The following PHAF1 variants were observed in gnomAD, a reference collection of about 807,000 sequenced individuals.
PHAF1 encodes phagosome assembly factor 1.
Under a neutral mutation model 63.1 loss-of-function variants are expected in PHAF1, and 23 were observed. The ratio of observed to expected loss-of-function variants is 0.36; its 90% CI spans 0.26 to 0.52. The LOEUF (loss-of-function observed/expected upper bound fraction) is 0.52, where lower values mean the gene tolerates loss of function less well. Among genes scored for constraint, PHAF1 ranks in the 20% least tolerant of loss-of-function variants. The pLI, the probability that PHAF1 is intolerant of heterozygous loss-of-function variation, is 0.93. For synonymous variants in PHAF1, 167 were observed against 185.0 expected (o/e 0.90, Z 0.79); for missense variants, 427 against 517.2 (o/e 0.83, Z 1.69).
chr16:67,146,412 G>A, intron 15 of PHAF1, 62 bp downstream of exon 15: 3 of 1,515,154 alleles, frequency 2.0e-6, no homozygotes, highest in South Asian at 1.1e-5. Flanking sequence ...GCAGGGCCAG[G>A]TGAATGATGG....
At chr16:67,111,545 G>A (rs1206600285) in intron 1 of PHAF1, among the ~76,000 whole-genome samples, 3 of 152,234 alleles carry the variant, frequency 2.0e-5, no homozygotes, top group Admixed American at 6.5e-5. Flanking sequence ...GAGAAACCAG[G>A]TGGTACAGAT....
At chr16:67,133,502 A>T (rs1053495569) in intron 6 of PHAF1, among the ~76,000 whole-genome samples, 4 of 108,658 alleles carry the variant, frequency 3.7e-5, no homozygotes, top group East Asian at 2.3e-4. Context: ...CAAAAATATT[A>T]AAAAAAAAAA....
At chr16:67,111,117 C>A (rs1962498879) in intron 1 of PHAF1, among the ~76,000 whole-genome samples, 1 of 152,118 alleles carries the variant, frequency 6.6e-6, no homozygotes, top group Non-Finnish European at 1.5e-5. Flanking sequence ...CCCGGCCCCG[C>A]TTCTCTCTCT....
At chr16:67,130,346 CTTTTTTTTTTT>C (rs34430310) in intron 3 of PHAF1, among the ~76,000 whole-genome samples, 2 of 74,980 alleles carry the variant, frequency 2.7e-5, no homozygotes, top group Non-Finnish European at 5.0e-5. Context: ...CGTGCCCGGC[CTTTTTTTTTTT>C]TTTTTTTTTG....
chr16:67,129,113 C>T (rs574419981), intron 3 of PHAF1, among the ~76,000 whole-genome samples: 1 of 152,268 alleles, frequency 6.6e-6, no homozygotes, highest in Admixed American at 6.5e-5. Flanking sequence ...AAATGGCATG[C>T]CAGTTTGGCA....
chr16:67,110,902 C>T (rs1403656130), intron 1 of PHAF1, among the ~76,000 whole-genome samples: 1 of 152,172 alleles, frequency 6.6e-6, no homozygotes, highest in East Asian at 1.9e-4. Context: ...CTTAACGCCT[C>T]GTGGGTTTAA....
intron 8 of PHAF1, chr16:67,134,774 G>A (rs955084691): frequency 4.0e-6 from 2 of 500,542 alleles, no homozygotes; most frequent in Non-Finnish European, 7.8e-6. Context: ...TTTTTTAACG[G>A]CACTGATCTC....
chr16:67,130,337 G>A (rs1226106122), intron 3 of PHAF1, among the ~76,000 whole-genome samples: 4 of 137,070 alleles, frequency 2.9e-5, no homozygotes, highest in African/African-American at 8.5e-5. Flanking sequence ...GTGAGCCACC[G>A]TGCCCGGCCT....
chr16:67,127,535 G>A (rs184611418), intron 3 of PHAF1, among the ~76,000 whole-genome samples: 7 of 152,260 alleles, frequency 4.6e-5, no homozygotes, highest in Non-Finnish European at 4.4e-5. Flanking sequence ...AGTGGCTCAC[G>A]CCTGTAATCC....
chr16:67,140,050 A>G lies in PHAF1; in HGVS notation c.728A>G (p.Asp243Gly). Residue 243 changes from aspartate (D) to glycine (G), a missense_variant, in exon 9 of 16, where the codon GAT becomes GGT. Coordinates refer to ENST00000219139, the MANE Select transcript of PHAF1 (RefSeq NM_025187.5). The part of the protein sequence containing the change: ...RVFERSVYFG[D>G]SCQDVLSMLG... Reference sequence around the variant, plus strand: ...TTTGAACGTTCAGTGTATTTTGGTGATTCCTGCCAAGATGTTCTTAGCATG... The same window carrying G: ...TTTGAACGTTCAGTGTATTTTGGTGGTTCCTGCCAAGATGTTCTTAGCATG... 6.2e-7 allele frequency: 1 copy of G among 1,614,090 alleles called. No homozygotes were observed. The highest frequency in any genetic ancestry group is 8.5e-7 in the Non-Finnish European group (1 of 1,180,020).
intron 14 of PHAF1, among the ~76,000 whole-genome samples, 197 bp from the exon 15 acceptor site, chr16:67,146,081 G>C (rs570903100): frequency 3.8e-4 from 58 of 152,144 alleles, no homozygotes; most frequent in Middle Eastern, 3.4e-3. Flanking sequence ...GTCCTGTTGG[G>C]CTCTGTATGT....
intron 10 of PHAF1, among the ~76,000 whole-genome samples, chr16:67,141,898 C>T (rs1426781000): frequency 6.6e-6 from 1 of 152,206 alleles, no homozygotes; most frequent in Non-Finnish European, 1.5e-5. Context: ...TCTTGTCACC[C>T]ACAATGTGGA....
intron 2 of PHAF1, among the ~76,000 whole-genome samples, chr16:67,125,056 A>T (rs1471441669): frequency 6.6e-6 from 1 of 152,132 alleles, no homozygotes; most frequent in Non-Finnish European, 1.5e-5. Context: ...ATTGCATTGG[A>T]CCAGAAGCAT....
intron 2 of PHAF1, 49 bp downstream of exon 2, chr16:67,120,243 G>A: frequency 2.6e-6 from 4 of 1,535,740 alleles, no homozygotes; most frequent in Non-Finnish European, 2.7e-6. Flanking sequence ...TCGGTAGTGA[G>A]TCACTTCCAG....
chr16:67,123,473 AGGCT>A (rs1963065437), intron 2 of PHAF1, among the ~76,000 whole-genome samples: 1 of 151,998 alleles, frequency 6.6e-6, no homozygotes, highest in Admixed American at 6.6e-5. Flanking sequence ...GCTACTGGGG[AGGCT>A]GGAGCAGGAG....
chr16:67,115,265 A>G (rs912666744), intron 1 of PHAF1, among the ~76,000 whole-genome samples: 10 of 152,222 alleles, frequency 6.6e-5, no homozygotes, highest in African/African-American at 2.4e-4. Flanking sequence ...TACCTCTGTG[A>G]GGATATAAGG....
At chr16:67,144,488 G>A in intron 11 of PHAF1, 112 bp downstream of exon 11, 1 of 769,204 alleles carries the variant, frequency 1.3e-6, no homozygotes, top group Non-Finnish European at 2.2e-6. Flanking sequence ...CTGAATTCTT[G>A]CTGTTTCATG....
Position 67,125,976 on chromosome 16 carries a change from C to T in PHAF1, c.165C>T (p.Asp55=). Residue 55 remains aspartate, a synonymous_variant, in exon 3 of 16, where the codon GAC becomes GAT. Coordinates refer to ENST00000219139, the MANE Select transcript of PHAF1 (RefSeq NM_025187.5). ...LYSEQSPLSH[D]LILNLTQDGI... ...TTTTGTAGTCTCCTCTAAGCCATGACCTCATTCTTAACCTGACTCAGGACG... is the reference window on the plus strand; with the variant it reads ...TTTTGTAGTCTCCTCTAAGCCATGATCTCATTCTTAACCTGACTCAGGACG... 1 of 1,611,910 alleles carries T rather than the reference C, an allele frequency of 6.2e-7. No individual in the cohort carries two copies. The highest frequency in any genetic ancestry group is 8.5e-7 in the Non-Finnish European group (1 of 1,178,998).
At chr16:67,144,231 G>C (rs1289099844) in intron 10 of PHAF1, 63 bp from the exon 11 acceptor site, 1 of 1,238,596 alleles carries the variant, frequency 8.1e-7, no homozygotes, top group Non-Finnish European at 1.2e-6. Context: ...ACATGCCTTT[G>C]GAAAGGCCTC....
Sources: allele counts gnomAD v4.1 joint callset (sites outside exome capture counted in the v4.1 genomes callset), GRCh38; gene constraint gnomAD v4.1.1; transcripts MANE v1.5; gene names NCBI Gene and HGNC (gene_info 2026-07-23, HGNC 2026-07-21).